Variants in EVC observed in about 807,000 individuals in gnomAD.
EVC encodes EvC ciliary complex subunit 1, also known as evC complex member EVC.
Under a neutral mutation model 118.9 loss-of-function variants are expected in EVC, and 116 were observed. The ratio of observed to expected loss-of-function variants is 0.98; its 90% CI spans 0.84 to 1.14. The LOEUF (loss-of-function observed/expected upper bound fraction) is 1.14, where lower values mean the gene tolerates loss of function less well. Ranked by LOEUF, EVC falls within the 50% of genes most tolerant of loss-of-function variation. The probability of loss-of-function intolerance (pLI) is 0.00; values close to 1 mark genes in which losing one functional copy is unlikely to be tolerated. For synonymous variants in EVC, 619 were observed against 534.7 expected (o/e 1.16, Z -2.18); for missense variants, 1,401 against 1,246.4 (o/e 1.12, Z -1.87).
rs374155542 is a variant in EVC at position 5,745,182 on chromosome 4, C to G, written c.802-22C>G. 1.0e-5 allele frequency: 16 copies of G among 1,587,102 alleles called. No individual in the cohort carries two copies. The African/African-American group carries it at 2.1e-4, about 21-fold the overall frequency. Reference sequence around the variant, plus strand: ...AACTTTTTCTTTGTTTATTTGCTTTCTTTTTTCTTCTTCTTCTTCAGGATT... The same window carrying G: ...AACTTTTTCTTTGTTTATTTGCTTTGTTTTTTCTTCTTCTTCTTCAGGATT... On this transcript the variant is annotated intron_variant, in intron 6 of 20. Transcript: ENST00000264956.
At chr4:5,787,076 G>A (rs989656073) in intron 12 of EVC, among the ~76,000 whole-genome samples, 6 of 152,162 alleles carry the variant, frequency 3.9e-5, no homozygotes, top group African/African-American at 1.4e-4. Flanking sequence ...TATCCAAAAA[G>A]ACAGTGGGTC....
chr4:5,786,795 C>A lies in EVC; in HGVS notation c.1776+3031C>A, dbSNP rs529680556. Among the ~76,000 whole-genome samples the A allele has an allele frequency of 7.3e-5, 11 of 151,634 alleles. No homozygotes were observed. In the East Asian group the frequency reaches 1.6e-3, roughly 21 times the overall value. The stretch of plus-strand genomic sequence containing the variant: ...GCTGAGGCAGGAGAATGGCGTGAAC[C>A]CGGGAGGCAGAGCTTGCAGTGAGCC... On this transcript the variant is annotated intron_variant, in intron 12 of 20. Transcript: ENST00000264956.
chr4:5,783,523 G>A, intron 11 of EVC, 29 bp from the exon 12 acceptor site: 1 of 1,612,432 alleles, frequency 6.2e-7, no homozygotes, highest in Non-Finnish European at 8.5e-7. Context: ...GCCGTGACCT[G>A]TAACCCCATC....
At chr4:5,736,764 ATGT>A (rs1345834754) in intron 5 of EVC, among the ~76,000 whole-genome samples, 1 of 152,166 alleles carries the variant, frequency 6.6e-6, no homozygotes, top group Non-Finnish European at 1.5e-5. Flanking sequence ...TAATTAATAA[ATGT>A]TGTGTGTGTT....
At chr4:5,802,163 T>G in intron 16 of EVC, 69 bp downstream of exon 16, 2 of 1,574,592 alleles carry the variant, frequency 1.3e-6, no homozygotes. Flanking sequence ...TGGGGCAGAA[T>G]AGGATGTCAG....
intron 16 of EVC, among the ~76,000 whole-genome samples, chr4:5,803,171 T>TA (rs1442740538): frequency 6.6e-6 from 1 of 152,224 alleles, no homozygotes; most frequent in Admixed American, 6.5e-5. Context: ...TGCCACTTCT[T>TA]ACAACACCCT....
intron 8 of EVC, among the ~76,000 whole-genome samples, chr4:5,750,892 C>CGTATCT (rs1467138003): frequency 6.6e-6 from 1 of 152,172 alleles, no homozygotes; most frequent in Admixed American, 6.5e-5. Flanking sequence ...AGATGGCTTC[C>CGTATCT]GTATCTCAGA....
At chr4:5,723,187 C>A (rs1039794311) in intron 2 of EVC, among the ~76,000 whole-genome samples, 57 of 146,692 alleles carry the variant, frequency 3.9e-4, no homozygotes, top group Middle Eastern at 3.4e-3. Flanking sequence ...AACATCCTTT[C>A]CTTCTTTTTT....
At chr4:5,769,196 G>A (rs1356919021) in intron 11 of EVC, among the ~76,000 whole-genome samples, 3 of 152,088 alleles carry the variant, frequency 2.0e-5, no homozygotes, top group Admixed American at 6.5e-5. Context: ...GGCAAATGAG[G>A]AGCAAAGTCA....
At position 5,748,226 on chromosome 4, in the gene EVC, C is replaced by T. The variant is rs121908425; in HGVS notation, c.1018C>T (p.Arg340Ter). The part of the protein sequence containing the change: ...DQFKCSSSKA[R>*]QLMMTLTERM... ...GTTTAAGTGTTCCAGCTCCAAAGCC[C>T]GACAGCTGATGATGACTCTGACGGA... The change falls in exon 8 of 21, where the codon CGA becomes TGA. Residue 340 changes from arginine to a stop codon, truncating the protein, a stop_gained. Coordinates refer to ENST00000264956, the MANE Select transcript of EVC (RefSeq NM_153717.3). LOFTEE classifies it high-confidence loss of function. The T allele has an allele frequency of 1.7e-5, 28 of 1,614,128 alleles. No individual in the cohort carries two copies. The highest frequency in any genetic ancestry group is 2.2e-5 in the East Asian group (1 of 44,870).
In EVC at chr4:5,711,380, G is replaced by T. The variant is rs1275183429; in HGVS notation, c.-1G>T. 1 of 1,011,380 alleles carries T rather than the reference G, an allele frequency of 9.9e-7. No individual in the cohort carries two copies. Among genetic ancestry groups the T allele is most frequent in the Non-Finnish European group, 1.2e-6 (1 of 849,222 alleles). The allele number at this position is 1,011,380 out of a possible 1,614,324, so 62.7% of individuals were successfully genotyped here. On this transcript the variant is annotated 5_prime_UTR_variant, in exon 1 of 21. Coordinates refer to ENST00000264956, the MANE Select transcript of EVC (RefSeq NM_153717.3). ...GCGGGGCGGCAGCCTGAGCGCCCCG[G>T]ATGGCCCGCGGCGGGGCGGCCTGCA...
chr4:5,754,076 C>T lies in EVC; in HGVS notation c.1464+143C>T. On this transcript the variant is annotated intron_variant, in intron 10 of 20. Coordinates refer to ENST00000264956, the MANE Select transcript of EVC (RefSeq NM_153717.3). This position sits in a 1 kb window ranked among gnomAD's most constrained non-coding sequence, Gnocchi z 5.8. ...ATGTGTCAGCCGAGTGACCGAATCT[C>T]AGTCCCTTAGCCCCTACATCCCTAG... 3.6e-6 allele frequency: 4 copies of T among 1,096,518 alleles called. No homozygotes were observed. Among genetic ancestry groups the T allele is most frequent in the Non-Finnish European group, 2.7e-6 (2 of 738,714 alleles). 67.9% of individuals were successfully genotyped at this position (1,096,518 alleles called of 1,614,324 possible). A position where few individuals can be genotyped will look rare whatever the true frequency, so the allele number is the denominator to read the frequency against.
In EVC at chr4:5,798,714, C is replaced by T. The variant is rs1174341100; in HGVS notation, c.2226C>T (p.Cys742=). ...AGCTTCTGCAGCAGCACATGGAGTGCGCCATTGGGCAGGCGCTGCTGGTGC... is the reference window on the plus strand; with the variant it reads ...AGCTTCTGCAGCAGCACATGGAGTGTGCCATTGGGCAGGCGCTGCTGGTGC... The part of the protein sequence containing the change: ...VGQLLQQHME[C]AIGQALLVHA... The change falls in exon 15 of 21, where the codon TGC becomes TGT. Residue 742 remains cysteine (C), a synonymous_variant. Transcript: ENST00000264956. The surrounding 1 kb of genome is among the most constrained non-coding windows in gnomAD (Gnocchi z 4.1). 3.6e-5 allele frequency: 58 copies of T among 1,610,188 alleles called. No homozygotes were observed. The highest frequency in any genetic ancestry group is 5.0e-5 in the Admixed American group (3 of 59,868).
At chr4:5,744,469 A>G (rs1175989917) in intron 6 of EVC, among the ~76,000 whole-genome samples, 2 of 152,020 alleles carry the variant, frequency 1.3e-5, no homozygotes, top group African/African-American at 4.8e-5. Context: ...GTCTATACTT[A>G]GGACTCACCT....
intron 19 of EVC, among the ~76,000 whole-genome samples, chr4:5,810,098 G>T (rs1028610073): frequency 6.6e-6 from 1 of 152,228 alleles, no homozygotes; most frequent in African/African-American, 2.4e-5. Context: ...GAGCCTAGCA[G>T]ACTGGAGCTC....
rs1348540805 is a variant in EVC, at chr4:5,755,249, G to T, written c.1465-1015G>T. ...TGTCCTTGATGTCACAGAGCCCAGT[G>T]TGAGTCCAGAGTGTGGAGACAGTGC... On this transcript the variant is annotated intron_variant, in intron 10 of 20. Transcript: ENST00000264956. The surrounding 1 kb of genome is among the most constrained non-coding windows in gnomAD (Gnocchi z 4.1). Among the ~76,000 whole-genome samples the T allele has an allele frequency of 6.6e-6, 1 of 152,178 alleles. No individual in the cohort carries two copies. The highest frequency in any genetic ancestry group is 1.5e-5 in the Non-Finnish European group (1 of 68,026).
At chr4:5,786,761 A>G (rs1711699476) in intron 12 of EVC, among the ~76,000 whole-genome samples, 1 of 151,712 alleles carries the variant, frequency 6.6e-6, no homozygotes, top group Non-Finnish European at 1.5e-5. Context: ...AGTCCCAGCT[A>G]CTCGGGAGGC....
intron 11 of EVC, among the ~76,000 whole-genome samples, chr4:5,781,461 A>G (rs1270973711): frequency 6.6e-6 from 1 of 151,984 alleles, no homozygotes; most frequent in Non-Finnish European, 1.5e-5. Flanking sequence ...CAGAGAAGGG[A>G]TTATTTTGGA....
At position 5,733,273 on chromosome 4, in the gene EVC, A is replaced by G. The variant is rs1727131909; in HGVS notation, c.618-78A>G. 6.7e-6 allele frequency: 8 copies of G among 1,191,314 alleles called. No homozygotes were observed. The Middle Eastern group carries it at 1.3e-3, about 199-fold the overall frequency. 73.8% of individuals were successfully genotyped at this position (1,191,314 alleles called of 1,614,324 possible). ...GCAGGGTGTGCTGTGGCTTGTACTG[A>G]TGAGGGACGTGCCAATATTCTTACT... On this transcript the variant is annotated intron_variant, in intron 4 of 20. Transcript: ENST00000264956.
Sources: allele counts gnomAD v4.1 joint callset (sites outside exome capture counted in the v4.1 genomes callset), GRCh38; gene constraint gnomAD v4.1.1; non-coding constraint Gnocchi (gnomAD v3.1); transcripts MANE v1.5; gene names NCBI Gene and HGNC (gene_info 2026-07-23, HGNC 2026-07-21).